PCNT: variants seen among roughly 807,000 people sequenced by gnomAD.
PCNT encodes kendrin.
PCNT carries 319 observed loss-of-function variants against 380.4 expected under a neutral mutation model. The ratio of observed to expected loss-of-function variants is 0.84; its 90% confidence interval spans 0.77 to 0.92. PCNT has a LOEUF of 0.92. Ranked by LOEUF, PCNT falls within the 40% of genes least tolerant of loss-of-function variation. The pLI, the probability that PCNT is intolerant of heterozygous loss-of-function variation, is 0.00. For synonymous variants in PCNT, 1,845 were observed against 1,735.2 expected (o/e 1.06, Z -1.57); for missense variants, 4,400 against 4,255.3 (o/e 1.03, Z -0.95).
At position 46,435,890 on chromosome 21, in the gene PCNT, TC is replaced by T; in HGVS notation, c.8752-13del. Reference sequence around the variant, plus strand: ...ACGTGAACGTCTTCTCTGTCTTTTTTCTGTTAACAACAGCGAGAATTAGAAC... The same window carrying T: ...ACGTGAACGTCTTCTCTGTCTTTTTTTGTTAACAACAGCGAGAATTAGAAC... On this transcript the variant is annotated splice_polypyrimidine_tract_variant and intron_variant, in intron 38 of 46. Coordinates refer to ENST00000359568, the MANE Select transcript of PCNT (RefSeq NM_006031.6). 6.2e-7 allele frequency: 1 copy of T among 1,614,082 alleles called. No individual in the cohort carries two copies. Among genetic ancestry groups the T allele is most frequent in the Non-Finnish European group, 8.5e-7 (1 of 1,179,998 alleles).
intron 41 of PCNT, 69 bp downstream of exon 41, chr21:46,438,406 A>G: frequency 6.9e-7 from 1 of 1,446,144 alleles, no homozygotes; most frequent in Non-Finnish European, 9.7e-7. Context: ...GCTCCACCCC[A>G]CAAGAGGCCG....
rs74711390 is a variant in PCNT at position 46,443,906 on chromosome 21, G to A, written c.9797G>A (p.Gly3266Asp). ...PSGHTRDPAR[G>D]RRLAAAASPH... The stretch of plus-strand genomic sequence containing the variant: ...GGCCACACCAGGGACCCTGCCAGAG[G>A]CCGCAGACTGGCAGCAGCAGCCTCC... Residue 3266 changes from glycine to aspartate, a missense_variant, in exon 45 of 47, where the codon GGC (glycine) becomes GAC (aspartate). Transcript: ENST00000359568. The A allele has an allele frequency of 6.2e-7, 1 of 1,612,726 alleles. No homozygotes were observed. Among genetic ancestry groups the A allele is most frequent in the Non-Finnish European group, 8.5e-7 (1 of 1,180,002 alleles).
At chr21:46,421,920 G>T (rs1366772027) in intron 31 of PCNT, 50 bp from the exon 32 acceptor site, 13 of 1,605,474 alleles carry the variant, frequency 8.1e-6, no homozygotes, top group Middle Eastern at 1.7e-4. Context: ...GTCCCCTGGG[G>T]AACCCCCTGG....
intron 3 of PCNT, 80 bp downstream of exon 3, chr21:46,334,848 G>C (rs1240319267): frequency 2.5e-6 from 4 of 1,603,932 alleles, no homozygotes; most frequent in Non-Finnish European, 3.4e-6. Flanking sequence ...CCAGTGAGAG[G>C]ACCTTCCATC....
At position 46,367,239 on chromosome 21, in the gene PCNT, C is replaced by T; in HGVS notation, c.3165+100C>T. ...ATGTCTGCGTGCGTGCTGTGTGTGC[C>T]TGTGCGGGTGTCTGTGTGTCTCACA... On this transcript the variant is annotated intron_variant, in intron 15 of 46. Transcript: ENST00000359568. 7.0e-6 allele frequency: 7 copies of T among 998,490 alleles called. No individual in the cohort carries two copies. In the East Asian group the frequency reaches 1.5e-4, roughly 22 times the overall value. The allele number at this position is 998,490 out of a possible 1,614,324, so 61.9% of individuals were successfully genotyped here.
At chr21:46,350,304 T>C (rs1272766195) in intron 8 of PCNT, among the ~76,000 whole-genome samples, 1 of 152,250 alleles carries the variant, frequency 6.6e-6, no homozygotes, top group Admixed American at 6.5e-5. Context: ...TAGGAATGCA[T>C]GTTCTTTGCA....
chr21:46,403,321 G>A (rs1238985781), intron 27 of PCNT, among the ~76,000 whole-genome samples: 1 of 142,986 alleles, frequency 7.0e-6, no homozygotes, highest in Non-Finnish European at 1.6e-5. Flanking sequence ...CAGCGTGGGA[G>A]AATTGTGTGT....
Position 46,363,951 on chromosome 21 carries a change from G to A in PCNT, c.2609+17G>A, listed in dbSNP as rs767688445. On this transcript the variant is annotated intron_variant, in intron 14 of 46. Coordinates refer to ENST00000359568, the MANE Select transcript of PCNT (RefSeq NM_006031.6). Reference sequence around the variant, plus strand: ...CCGGAGCAGGTGGGTTTGCAGTGACGCCATCTGCAGTCCCTGTGAGGCCAG... The same window carrying A: ...CCGGAGCAGGTGGGTTTGCAGTGACACCATCTGCAGTCCCTGTGAGGCCAG... 15 of 1,596,346 alleles carry A rather than the reference G, an allele frequency of 9.4e-6. No individual in the cohort carries two copies. The highest frequency in any genetic ancestry group is 2.2e-5 in the South Asian group (2 of 90,928).
Position 46,388,683 on chromosome 21 carries a change from AG to A in PCNT, c.3465-56del. 1 of 1,605,618 alleles carries A rather than the reference AG, an allele frequency of 6.2e-7. No individual in the cohort carries two copies. The highest frequency in any genetic ancestry group is 2.2e-5 in the East Asian group (1 of 44,832). On this transcript the variant is annotated intron_variant, in intron 17 of 46. Coordinates refer to ENST00000359568, the MANE Select transcript of PCNT (RefSeq NM_006031.6). This position sits in a 1 kb window ranked among gnomAD's most constrained non-coding sequence, Gnocchi z 4.2. ...GGTGGGCGGCCCCTCAGCAGCATCC[AG>A]GGTGGGGGTTCTTATGCCGTGACCA...
chr21:46,411,659 C>A lies in PCNT; in HGVS notation c.5586C>A (p.Ala1862=). 1.2e-6 allele frequency: 2 copies of A among 1,613,046 alleles called. No individual in the cohort carries two copies. Among genetic ancestry groups the A allele is most frequent in the Non-Finnish European group, 1.7e-6 (2 of 1,179,888 alleles). Residue 1862 remains alanine, a synonymous_variant, in exon 28 of 47, where the codon GCC becomes GCA. Coordinates refer to ENST00000359568, the MANE Select transcript of PCNT (RefSeq NM_006031.6). Reference sequence around the variant, plus strand: ...CCCGGATCCAGGAGTTCGAAGCGGCCCTGAAAGCAAAGGAAGCGACGATTG... The same window carrying A: ...CCCGGATCCAGGAGTTCGAAGCGGCACTGAAAGCAAAGGAAGCGACGATTG... ...MASRIQEFEA[A]LKAKEATIAE...
rs1371618104 is a variant in PCNT at position 46,324,430 on chromosome 21, A to G, written c.54+148A>G. ...GCTTTTTCCCGCCGGCTCCGCTGGA[A>G]GCCGCCTCCTGGCCGCCGCCATCTT... On this transcript the variant is annotated intron_variant, in intron 1 of 46. Coordinates refer to ENST00000359568, the MANE Select transcript of PCNT (RefSeq NM_006031.6). The G allele has an allele frequency of 4.0e-6, 3 of 743,894 alleles. No homozygotes were observed. The Admixed American group carries it at 6.4e-5, about 16-fold the overall frequency. 46.1% of individuals were successfully genotyped at this position (743,894 alleles called of 1,614,324 possible).
rs769171675 is a variant in PCNT at position 46,346,907 on chromosome 21, A to G, written c.885A>G (p.Leu295=). Residue 295 remains leucine (L), a synonymous_variant, in exon 5 of 47, where the codon CTA becomes CTG. Transcript: ENST00000359568. ...GGCGTGCCCAGGAGCTGGCCCTGCT[A>G]CAGAGCAGGCAGCAGCACGAGCTGG... is the stretch of plus-strand genomic sequence containing the variant. ...NSRRAQELAL[L]QSRQQHELEL... The G allele has an allele frequency of 8.7e-6, 14 of 1,603,870 alleles. No individual in the cohort carries two copies. The East Asian group carries it at 1.1e-4, about 13-fold the overall frequency.
chr21:46,340,177 C>T (rs1160525489), intron 3 of PCNT, among the ~76,000 whole-genome samples: 3 of 152,102 alleles, frequency 2.0e-5, no homozygotes, highest in Non-Finnish European at 2.9e-5. Context: ...CAGAGGAACT[C>T]CTCTTTATAA....
chr21:46,419,784 A>C (rs2087171225), intron 31 of PCNT, among the ~76,000 whole-genome samples: 1 of 151,866 alleles, frequency 6.6e-6, no homozygotes, highest in African/African-American at 2.4e-5. Context: ...TCTCTCACGC[A>C]GGCTGGAGTG....
rs1179017899 is a variant in PCNT at position 46,426,080 on chromosome 21, T to TTC, written c.7320+110_7320+111insCT. On this transcript the variant is annotated intron_variant, in intron 33 of 46. Transcript: ENST00000359568. ...ACTAGGATTTCTTTCTTTTTTTTTT[T>TTC]TTTTTTTTTTTTTTTTGAGACTCGG... 83 of 1,051,112 alleles carry TTC rather than the reference T, an allele frequency of 7.9e-5. 3 individuals are homozygous for TTC. The highest frequency in any genetic ancestry group is 3.6e-4 in the South Asian group (24 of 66,836). 65.1% of individuals were successfully genotyped at this position (1,051,112 alleles called of 1,614,324 possible).
chr21:46,437,825 G>T (rs757469759), intron 40 of PCNT, among the ~76,000 whole-genome samples: 22 of 152,224 alleles, frequency 1.4e-4, no homozygotes, highest in Non-Finnish European at 1.6e-4. Context: ...CAGGCTGAAC[G>T]TCCTTTTGAT....
At chr21:46,371,950 G>A (rs1057415507) in intron 15 of PCNT, among the ~76,000 whole-genome samples, 5 of 143,794 alleles carry the variant, frequency 3.5e-5, no homozygotes, top group Non-Finnish European at 7.5e-5. Context: ...CAGCATGTGC[G>A]CACAAACAGC....
In PCNT at chr21:46,324,293, G is replaced by C; in HGVS notation, c.54+11G>C. ...GCCGGGAGGACGAAGGTAAACATTA[G>C]GGGCTTCTTCTCTAGCTGCTCTGGC... On this transcript the variant is annotated intron_variant, in intron 1 of 46. Coordinates refer to ENST00000359568, the MANE Select transcript of PCNT (RefSeq NM_006031.6). 1.2e-6 allele frequency: 2 copies of C among 1,604,428 alleles called. No individual in the cohort carries two copies. Among genetic ancestry groups the C allele is most frequent in the African/African-American group, 1.3e-5 (1 of 74,914 alleles).
At chr21:46,349,612 T>C (rs1389526521) in intron 7 of PCNT, 72 bp from the exon 8 acceptor site, 1 of 1,512,102 alleles carries the variant, frequency 6.6e-7, no homozygotes, top group Non-Finnish European at 9.2e-7. Flanking sequence ...GGGTGCACCA[T>C]TATTGTCACT....
Sources: gnomAD v4.1 joint callset for allele counts (sites outside exome capture counted in the v4.1 genomes callset) on GRCh38, gnomAD v4.1.1 for gene constraint, Gnocchi (gnomAD v3.1) non-coding constraint, MANE v1.5 for transcripts, NCBI Gene and HGNC (gene_info 2026-07-23, HGNC 2026-07-21) for gene names.